WSCD2: variants seen among roughly 807,000 people sequenced by gnomAD.
The protein encoded by WSCD2 is WSC domain sialate O sulfotransferase 2.
Under a neutral mutation model 55.7 loss-of-function variants are expected in WSCD2, and 28 were observed. The observed-to-expected ratio is 0.50, with a 90% CI of 0.37 to 0.69. The LOEUF (loss-of-function observed/expected upper bound fraction) is 0.69, where lower values mean the gene tolerates loss of function less well. Among genes scored for constraint, WSCD2 ranks in the 30% least tolerant of loss-of-function variants. WSCD2 has a pLI of 0.00. For missense variants in WSCD2, 616 were observed against 762.1 expected (o/e 0.81, Z 2.26); for synonymous variants, 301 against 301.9 (o/e 1.00, Z 0.03).
intron 4 of WSCD2, among the ~76,000 whole-genome samples, chr12:108,213,505 G>T (rs1282480738): frequency 3.3e-5 from 5 of 152,150 alleles, no homozygotes; most frequent in Non-Finnish European, 5.9e-5. Flanking sequence ...GTGGCTCAGA[G>T]AATAGAAATG....
At chr12:108,233,701 T>C (rs560568253) in intron 7 of WSCD2, among the ~76,000 whole-genome samples, 1 of 152,362 alleles carries the variant, frequency 6.6e-6, no homozygotes, top group African/African-American at 2.4e-5. Flanking sequence ...GTTTCCCAGT[T>C]TCAAAGCCCA....
intron 1 of WSCD2, among the ~76,000 whole-genome samples, chr12:108,140,534 G>A (rs1425223811): frequency 2.0e-5 from 3 of 152,248 alleles, no homozygotes; most frequent in African/African-American, 7.2e-5. Context: ...TTTGGGCACT[G>A]GCTGATCATG....
chr12:108,211,665 A>ATATATATT (rs1565970125), intron 4 of WSCD2, among the ~76,000 whole-genome samples: 3 of 147,694 alleles, frequency 2.0e-5, no homozygotes, highest in African/African-American at 7.4e-5. Context: ...ATATATATAT[A>ATATATATT]TTTTTTGAGA....
chr12:108,156,296 C>T (rs1031963529), intron 1 of WSCD2, among the ~76,000 whole-genome samples: 1 of 152,236 alleles, frequency 6.6e-6, no homozygotes, highest in Admixed American at 6.5e-5. Flanking sequence ...TTTAGTACCT[C>T]TGAGCTGTTT....
chr12:108,234,530 A>G (rs1453795780), intron 7 of WSCD2, among the ~76,000 whole-genome samples: 2 of 152,228 alleles, frequency 1.3e-5, no homozygotes, highest in African/African-American at 4.8e-5. Flanking sequence ...CCTATTACTT[A>G]TGAGGCTCCA....
At chr12:108,200,180 A>C (rs1392199463) in intron 2 of WSCD2, among the ~76,000 whole-genome samples, 1 of 152,202 alleles carries the variant, frequency 6.6e-6, no homozygotes, top group Non-Finnish European at 1.5e-5. Flanking sequence ...AGGAGCACCC[A>C]CTTCCCATCT....
At chr12:108,142,964 C>G (rs1173155454) in intron 1 of WSCD2, among the ~76,000 whole-genome samples, 1 of 152,176 alleles carries the variant, frequency 6.6e-6, no homozygotes, top group Non-Finnish European at 1.5e-5. Flanking sequence ...GTGGGTGCCA[C>G]TGTGCCCGGC....
chr12:108,241,486 T>C (rs1889740626), intron 8 of WSCD2, among the ~76,000 whole-genome samples: 1 of 152,180 alleles, frequency 6.6e-6, no homozygotes, highest in Non-Finnish European at 1.5e-5. Flanking sequence ...ATCCCCACCA[T>C]AATCGCCCCA....
chr12:108,200,423 C>T (rs181690970), intron 2 of WSCD2, among the ~76,000 whole-genome samples: 1 of 152,354 alleles, frequency 6.6e-6, no homozygotes, highest in East Asian at 1.9e-4. Context: ...TTCTTAACCA[C>T]TGGACTTATA....
intron 1 of WSCD2, among the ~76,000 whole-genome samples, chr12:108,137,586 G>A (rs539316651): frequency 6.6e-6 from 1 of 152,334 alleles, no homozygotes; most frequent in East Asian, 1.9e-4. Context: ...ATAAAAGAAT[G>A]ACAGCTTGGG....
chr12:108,206,750 G>A (rs549369896), intron 3 of WSCD2, among the ~76,000 whole-genome samples: 10 of 152,338 alleles, frequency 6.6e-5, no homozygotes, highest in South Asian at 2.1e-4. Context: ...GTGTATGCAG[G>A]AGTCTTTGTG....
chr12:108,207,372 T>C (rs1486181836), intron 3 of WSCD2, among the ~76,000 whole-genome samples: 1 of 151,852 alleles, frequency 6.6e-6, no homozygotes, highest in African/African-American at 2.4e-5. Flanking sequence ...CTTTATTTTT[T>C]ATTTTTTATT....
chr12:108,195,608 C>A lies in WSCD2; in HGVS notation c.-225C>A. 1 of 597,888 alleles carries A rather than the reference C, an allele frequency of 1.7e-6. No homozygotes were observed. Among genetic ancestry groups the A allele is most frequent in the Non-Finnish European group, 2.8e-6 (1 of 357,104 alleles). 37.0% of individuals were successfully genotyped at this position (597,888 alleles called of 1,614,324 possible). A position where few individuals can be genotyped will look rare whatever the true frequency, so the allele number is the denominator to read the frequency against. The stretch of plus-strand genomic sequence containing the variant: ...CCCCTTGTTGGCCCAAAGAAGCTCA[C>A]CTTCAGTTTGGGAGGGCTGGTAAGC... On this transcript the variant is annotated 5_prime_UTR_variant, in exon 2 of 9. Coordinates refer to ENST00000547525, the MANE Select transcript of WSCD2 (RefSeq NM_014653.4).
At chr12:108,212,349 G>A (rs1275890251) in intron 4 of WSCD2, among the ~76,000 whole-genome samples, 2 of 152,184 alleles carry the variant, frequency 1.3e-5, no homozygotes, top group Admixed American at 1.3e-4. Flanking sequence ...GCTGCTGCCA[G>A]TAACACATCC....
rs992153539 is a variant in WSCD2, at chr12:108,249,272, G to C, written c.*929G>C. The C allele has an allele frequency of 6.6e-6, 1 of 152,592 alleles. No individual in the cohort carries two copies. Among genetic ancestry groups the C allele is most frequent in the African/African-American group, 2.4e-5 (1 of 41,432 alleles). The allele number at this position is 152,592 out of a possible 1,614,324, so 9.5% of individuals were successfully genotyped here. ...AATGGGTCCTTTGCTATCCAGGTGA[G>C]ACAGCAAGAGTGTTCTTAATCAGAT... On this transcript the variant is annotated 3_prime_UTR_variant, in exon 9 of 9. Coordinates refer to ENST00000547525, the MANE Select transcript of WSCD2 (RefSeq NM_014653.4).
chr12:108,152,796 T>TC (rs1704271365), intron 1 of WSCD2, among the ~76,000 whole-genome samples: 1 of 152,134 alleles, frequency 6.6e-6, no homozygotes, highest in African/African-American at 2.4e-5. Context: ...TGCCTTTGTT[T>TC]CCCCATTTAA....
intron 1 of WSCD2, among the ~76,000 whole-genome samples, chr12:108,149,430 T>C (rs1877732164): frequency 6.6e-6 from 1 of 152,204 alleles, no homozygotes; most frequent in Non-Finnish European, 1.5e-5. Flanking sequence ...CTCTCCCTTT[T>C]TGGAAATCTC....
chr12:108,235,254 G>A (rs1889162135), intron 7 of WSCD2, among the ~76,000 whole-genome samples: 1 of 152,202 alleles, frequency 6.6e-6, no homozygotes, highest in South Asian at 2.1e-4. Flanking sequence ...GTGTGAGCCT[G>A]TGGTGTAAAA....
intron 1 of WSCD2, among the ~76,000 whole-genome samples, chr12:108,166,751 T>TC: frequency 2.1e-5 from 1 of 47,208 alleles, no homozygotes; most frequent in African/African-American, 5.2e-5. Flanking sequence ...TTTCCTTCTT[T>TC]CTTTCTTTCT....
Sources: allele counts gnomAD v4.1 joint callset (sites outside exome capture counted in the v4.1 genomes callset), GRCh38; gene constraint gnomAD v4.1.1; transcripts MANE v1.5; gene names NCBI Gene and HGNC (gene_info 2026-07-23, HGNC 2026-07-21).